The following SPEF2 variants were observed in gnomAD, a reference collection of about 807,000 sequenced individuals.
SPEF2 encodes sperm flagellar and cilia associated 2.
In SPEF2, 187 loss-of-function variants were observed where a neutral mutation model predicts 224.6. That is an observed-to-expected ratio of 0.83 (90% CI 0.74 to 0.94). The LOEUF is 0.94. Among genes scored for constraint, SPEF2 ranks in the 40% least tolerant of loss-of-function variants. The pLI, the probability that SPEF2 is intolerant of heterozygous loss-of-function variation, is 0.00. For missense variants in SPEF2, 2,170 were observed against 2,135.6 expected (o/e 1.02, Z -0.32); for synonymous variants, 715 against 707.3 (o/e 1.01, Z -0.17).
intron 29 of SPEF2, among the ~76,000 whole-genome samples, chr5:35,777,629 G>A (rs1195272159): frequency 6.6e-6 from 1 of 151,210 alleles, no homozygotes. Flanking sequence ...GTCATGAACT[G>A]TGGCCACAAG....
chr5:35,682,093 G>A (rs1439625013), intron 10 of SPEF2, among the ~76,000 whole-genome samples: 2 of 152,144 alleles, frequency 1.3e-5, no homozygotes, highest in African/African-American at 4.8e-5. Flanking sequence ...GTGTGCCAAG[G>A]GAAAAGCCAG....
chr5:35,789,143 C>T, intron 30 of SPEF2: 1 of 702,884 alleles, frequency 1.4e-6, no homozygotes, highest in Non-Finnish European at 2.6e-6. Context: ...ATGTTGTTCC[C>T]AACCTGTGTT....
chr5:35,738,094 T>C (rs1198297221), intron 21 of SPEF2, among the ~76,000 whole-genome samples: 2 of 152,156 alleles, frequency 1.3e-5, no homozygotes, highest in Non-Finnish European at 2.9e-5. Context: ...GTTTGAGTTC[T>C]TTGTAGATTC....
At chr5:35,685,898 C>T (rs574593525) in intron 10 of SPEF2, among the ~76,000 whole-genome samples, 3 of 151,638 alleles carry the variant, frequency 2.0e-5, no homozygotes, top group African/African-American at 7.2e-5. Context: ...TTAAGGCAAT[C>T]CAGACTAGCA....
rs148732447 is a variant in SPEF2, at chr5:35,676,701, C to G, written c.1524+6474C>G. Among the ~76,000 whole-genome samples the G allele has an allele frequency of 9.9e-3, 1,499 of 152,120 alleles. 29 individuals carry two copies. Among genetic ancestry groups the G allele is most frequent in the African/African-American group, 0.035 (1,449 of 41,488 alleles). ...CCAAGATCGTGCCACTGCACTCCAG[C>G]CTGGGTGACAGAGTGAGACTCTGAC... is the stretch of plus-strand genomic sequence containing the variant. On this transcript the variant is annotated intron_variant, in intron 10 of 36. Coordinates refer to ENST00000356031, the MANE Select transcript of SPEF2 (RefSeq NM_024867.4).
intron 28 of SPEF2, among the ~76,000 whole-genome samples, chr5:35,775,618 A>G (rs1753505537): frequency 6.6e-6 from 1 of 152,136 alleles, no homozygotes; most frequent in African/African-American, 2.4e-5. Context: ...GATTATGATC[A>G]CATCTGCAGG....
chr5:35,795,169 G>A (rs750956096), intron 32 of SPEF2, among the ~76,000 whole-genome samples: 8 of 152,058 alleles, frequency 5.3e-5, no homozygotes, highest in East Asian at 1.9e-4. Flanking sequence ...ACAGAGGGAC[G>A]TCATGAATAA....
At chr5:35,733,876 A>G (rs1286838379) in intron 21 of SPEF2, among the ~76,000 whole-genome samples, 1 of 152,206 alleles carries the variant, frequency 6.6e-6, no homozygotes, top group Non-Finnish European at 1.5e-5. Context: ...CAAGCTGTTT[A>G]ACCTCTGTTG....
At chr5:35,797,635 A>G (rs1756864278) in intron 33 of SPEF2, among the ~76,000 whole-genome samples, 1 of 152,122 alleles carries the variant, frequency 6.6e-6, no homozygotes, top group African/African-American at 2.4e-5. Context: ...AATAAGTCCT[A>G]TGTGTCAGTC....
At chr5:35,648,356 T>G (rs1747697995) in intron 5 of SPEF2, among the ~76,000 whole-genome samples, 1 of 152,026 alleles carries the variant, frequency 6.6e-6, no homozygotes, top group Non-Finnish European at 1.5e-5. Flanking sequence ...GTCCCTGAGT[T>G]GATTAAAGTT....
At position 35,659,207 on chromosome 5, in the gene SPEF2, G is replaced by A. The variant is rs778026953; in HGVS notation, c.1167G>A (p.Ala389=). The A allele has an allele frequency of 1.8e-5, 28 of 1,595,308 alleles. No individual in the cohort carries two copies. The highest frequency in any genetic ancestry group is 1.5e-4 in the Admixed American group (9 of 58,142). Reference sequence around the variant, plus strand: ...TCCAGGATGCTCTTGATCGAGAAGCGGTAAATACCATCTTCCTTAGAAATC... The same window carrying A: ...TCCAGGATGCTCTTGATCGAGAAGCAGTAAATACCATCTTCCTTAGAAATC... The part of the protein sequence containing the change: ...KDFQDALDRE[A]ALAKQAKIDF... Residue 389 remains alanine, a splice_region_variant and synonymous_variant, in exon 8 of 37, where the codon GCG becomes GCA. Transcript: ENST00000356031.
chr5:35,774,486 C>T (rs1312565054), intron 28 of SPEF2, among the ~76,000 whole-genome samples: 1 of 151,944 alleles, frequency 6.6e-6, no homozygotes, highest in Non-Finnish European at 1.5e-5. Context: ...AAAATGAGTC[C>T]TTGGGAACAA....
rs771932082 is a variant in SPEF2 at position 35,644,485 on chromosome 5, A to C, written c.545A>C (p.Gln182Pro). The change falls in exon 4 of 37, where the codon CAA becomes CCA. Residue 182 changes from glutamine (Q) to proline (P), a missense_variant. Gln to Pro is a moderately conservative substitution (Grantham distance 76). Transcript: ENST00000356031. ...CATTTTGAGAAACTTGAAAGATTTC[A>C]AAAACTCAAGGAAGAGCAAAGATGT... ...HLHFEKLERF[Q>P]KLKEEQRCFD... 1.2e-6 allele frequency: 2 copies of C among 1,605,622 alleles called. No homozygotes were observed. The highest frequency in any genetic ancestry group is 1.7e-6 in the Non-Finnish European group (2 of 1,177,758).
intron 28 of SPEF2, 119 bp from the exon 29 acceptor site, chr5:35,776,138 T>A: frequency 1.0e-6 from 1 of 957,378 alleles, no homozygotes; most frequent in Non-Finnish European, 1.5e-6. Context: ...TTCTGGTATA[T>A]TAAACGTGCA....
chr5:35,658,240 T>A (rs544011991), intron 7 of SPEF2, among the ~76,000 whole-genome samples: 6 of 152,272 alleles, frequency 3.9e-5, no homozygotes, highest in Middle Eastern at 3.4e-3. Context: ...TGATTCCCAG[T>A]TTAATGTTTT....
chr5:35,622,850 T>G (rs559794388), intron 1 of SPEF2, among the ~76,000 whole-genome samples: 1 of 152,352 alleles, frequency 6.6e-6, no homozygotes, highest in East Asian at 1.9e-4. Flanking sequence ...AAAAGACTGA[T>G]GCTCAATATT....
At chr5:35,783,242 C>G (rs1754592734) in intron 30 of SPEF2, among the ~76,000 whole-genome samples, 1 of 152,184 alleles carries the variant, frequency 6.6e-6, no homozygotes, top group African/African-American at 2.4e-5. Flanking sequence ...TTATCCACCT[C>G]AGTCTATGAT....
At chr5:35,663,056 A>G (rs1749964672) in intron 8 of SPEF2, among the ~76,000 whole-genome samples, 1 of 152,238 alleles carries the variant, frequency 6.6e-6, no homozygotes, top group African/African-American at 2.4e-5. Flanking sequence ...GCTACTTTCT[A>G]TTAAGTATTG....
intron 36 of SPEF2, among the ~76,000 whole-genome samples, chr5:35,813,125 T>G (rs1580820263): frequency 6.6e-6 from 1 of 152,202 alleles, no homozygotes; most frequent in East Asian, 1.9e-4. Flanking sequence ...TCCTTAATCC[T>G]CAAATTAACT....
Sources: allele counts gnomAD v4.1 joint callset (sites outside exome capture counted in the v4.1 genomes callset), GRCh38; gene constraint gnomAD v4.1.1; transcripts MANE v1.5; gene names NCBI Gene and HGNC (gene_info 2026-07-23, HGNC 2026-07-21).